The following BMS1 variants were observed in gnomAD, a reference collection of about 807,000 sequenced individuals.
The protein encoded by BMS1 is ribosome biogenesis protein BMS1 homolog.
In BMS1, 53 loss-of-function variants were observed where a neutral mutation model predicts 138.7. That is an observed-to-expected ratio of 0.38 (90% CI 0.31 to 0.48). BMS1 has a LOEUF of 0.48. Among genes scored for constraint, BMS1 ranks in the 20% least tolerant of loss-of-function variants. The pLI is 0.97. For synonymous variants in BMS1, 504 were observed against 539.9 expected, an observed-to-expected ratio of 0.93 and a Z score of 0.92; for missense variants, 1,360 against 1,565.5, an observed-to-expected ratio of 0.87 and a Z score of 2.22.
chr10:42,793,005 G>A lies in BMS1; in HGVS notation c.950G>A (p.Cys317Tyr). 6.2e-7 allele frequency: 1 copy of A among 1,613,904 alleles called. No homozygotes were observed. Among genetic ancestry groups the A allele is most frequent in the Non-Finnish European group, 8.5e-7 (1 of 1,179,968 alleles). ...VSDISFLPDP[C>Y]ALPEQQKKRC... Reference sequence around the variant, plus strand: ...GACATCAGTTTCCTCCCAGACCCTTGCGCTCTTCCTGAACAACAAAAGAAG... The same window carrying A: ...GACATCAGTTTCCTCCCAGACCCTTACGCTCTTCCTGAACAACAAAAGAAG... The change falls in exon 8 of 23, where the codon TGC (cysteine) becomes TAC (tyrosine). Residue 317 changes from cysteine (C) to tyrosine (Y), a missense_variant. Transcript: ENST00000374518.
At position 42,820,365 on chromosome 10, in the gene BMS1, C is replaced by T. The variant is rs752067870; in HGVS notation, c.2710C>T (p.His904Tyr). 9.9e-6 allele frequency: 16 copies of T among 1,613,772 alleles called. 1 individual carries two copies. The South Asian group carries it at 1.6e-4, about 17-fold the overall frequency. ...PCEFVQNFDP[H>Y]YPIILGGLGN... Reference sequence around the variant, plus strand: ...TGAATTTGTGCAGAACTTTGACCCCCATTACCCCATTATCCTGGGTGGCTT... The same window carrying T: ...TGAATTTGTGCAGAACTTTGACCCCTATTACCCCATTATCCTGGGTGGCTT... The change falls in exon 16 of 23, where the codon CAT (histidine) becomes TAT (tyrosine). Residue 904 changes from histidine to tyrosine, a missense_variant. Physicochemically the swap from His to Tyr is moderately conservative, Grantham distance 83. Around this residue, in one of 3 missense-constraint regions of BMS1, gnomAD observed 425 missense variants for 568.3 expected, o/e 0.75. Transcript: ENST00000374518.
chr10:42,812,030 A>G (rs1216241330), intron 13 of BMS1, among the ~76,000 whole-genome samples: 1 of 152,144 alleles, frequency 6.6e-6, no homozygotes, highest in Non-Finnish European at 1.5e-5. Context: ...TTATTGCCCC[A>G]AATGTACTTC....
At chr10:42,816,480 G>C in intron 13 of BMS1, 119 bp from the exon 14 acceptor site, 3 of 707,750 alleles carry the variant, frequency 4.2e-6, no homozygotes, top group Non-Finnish European at 6.8e-6. Context: ...TGTGTGTAGT[G>C]ACAGGAACAG....
intron 13 of BMS1, among the ~76,000 whole-genome samples, chr10:42,803,118 C>A (rs1358459027): frequency 1.3e-5 from 2 of 152,174 alleles, no homozygotes; most frequent in African/African-American, 2.4e-5. Flanking sequence ...ACCTCGCAGA[C>A]TGAAGCCTCC....
Position 42,832,153 on chromosome 10 carries a change from A to G in BMS1, c.*1057A>G, listed in dbSNP as rs1842812582. 1 of 152,196 alleles carries G rather than the reference A, an allele frequency of 6.6e-6. No individual in the cohort carries two copies. Among genetic ancestry groups the G allele is most frequent in the African/African-American group, 2.4e-5 (1 of 41,446 alleles). 9.4% of individuals were successfully genotyped at this position (152,196 alleles called of 1,614,324 possible). On this transcript the variant is annotated 3_prime_UTR_variant, in exon 23 of 23. Coordinates refer to ENST00000374518, the MANE Select transcript of BMS1 (RefSeq NM_014753.4). ...AGAAATATGGAACGCAGCTGGGCACAGTGACTCACGCCTGTAATCCCAGCA... is the reference window on the plus strand; with the variant it reads ...AGAAATATGGAACGCAGCTGGGCACGGTGACTCACGCCTGTAATCCCAGCA...
At chr10:42,811,050 T>TTA (rs1491109030) in intron 13 of BMS1, among the ~76,000 whole-genome samples, 79 of 43,390 alleles carry the variant, frequency 1.8e-3, no homozygotes, top group African/African-American at 0.011. Context: ...ATTATTATTA[T>TTA]TTTTTTTTTG....
chr10:42,785,736 G>A (rs1483348182), intron 3 of BMS1, 64 bp downstream of exon 3: 51 of 1,527,452 alleles, frequency 3.3e-5, no homozygotes, highest in South Asian at 3.0e-4. Flanking sequence ...ACATGCATGC[G>A]TTTGTTGTTT....
chr10:42,817,628 G>T, intron 15 of BMS1, 134 bp downstream of exon 15: 1 of 792,602 alleles, frequency 1.3e-6, no homozygotes, highest in Non-Finnish European at 1.9e-6. Context: ...TCGGACTCCT[G>T]GGTAGAGATG....
chr10:42,823,046 G>A, intron 19 of BMS1, 72 bp from the exon 20 acceptor site: 2 of 1,327,886 alleles, frequency 1.5e-6, no homozygotes, highest in Non-Finnish European at 2.0e-6. Flanking sequence ...AAGGATGTAT[G>A]TTTGAAGTAA....
rs1161546967 is a variant in BMS1 at position 42,815,520 on chromosome 10, C to G, written c.2330-1079C>G. 2.0e-5 allele frequency among the ~76,000 whole-genome samples: 3 copies of G among 152,192 alleles called. No individual in the cohort carries two copies. In the East Asian group the frequency reaches 5.8e-4, roughly 29 times the overall value. ...TATGTGAAAATGTTTTAATAGCCTT[C>G]TAAACATTGCTCTCCCAAATGAGTT... On this transcript the variant is annotated intron_variant, in intron 13 of 22. Coordinates refer to ENST00000374518, the MANE Select transcript of BMS1 (RefSeq NM_014753.4).
chr10:42,794,486 A>G (rs1841611861), intron 9 of BMS1, among the ~76,000 whole-genome samples: 1 of 151,580 alleles, frequency 6.6e-6, no homozygotes, highest in Non-Finnish European at 1.5e-5. Context: ...GATGTTTGCA[A>G]AACATTGGTT....
Position 42,797,449 on chromosome 10 carries a change from C to G in BMS1, c.2015C>G (p.Ser672Cys). Residue 672 changes from serine to cysteine, a missense_variant, in exon 11 of 23, where the codon TCC becomes TGC. Coordinates refer to ENST00000374518, the MANE Select transcript of BMS1 (RefSeq NM_014753.4). ...GCCCTCAAGTGGAAGGAAGACCTTTCCAGAAAGGCAGCTGAGGCCTTTCTG... is the reference window on the plus strand; with the variant it reads ...GCCCTCAAGTGGAAGGAAGACCTTTGCAGAAAGGCAGCTGAGGCCTTTCTG... Reference protein sequence around the residue: ...SGALKWKEDLSRKAAEAFLRQ... With the variant: ...SGALKWKEDLCRKAAEAFLRQ... 2 of 1,614,188 alleles carry G rather than the reference C, an allele frequency of 1.2e-6. No homozygotes were observed. The highest frequency in any genetic ancestry group is 8.5e-7 in the Non-Finnish European group (1 of 1,180,034).
intron 13 of BMS1, among the ~76,000 whole-genome samples, chr10:42,808,135 A>ATTGGG (rs1042091383): frequency 3.3e-5 from 5 of 151,992 alleles, no homozygotes; most frequent in Admixed American, 3.3e-4. Flanking sequence ...ACTTTTAAAA[A>ATTGGG]TTGGGTTGGG....
intron 21 of BMS1, among the ~76,000 whole-genome samples, chr10:42,825,845 C>T (rs1428162016): frequency 1.3e-5 from 2 of 152,112 alleles, no homozygotes; most frequent in African/African-American, 4.8e-5. Context: ...ATCTTGTATT[C>T]AATCTTAGTG....
chr10:42,784,701 C>T (rs945760974), intron 2 of BMS1, 131 bp downstream of exon 2: 4 of 1,083,540 alleles, frequency 3.7e-6, no homozygotes, highest in Admixed American at 3.0e-5. Flanking sequence ...TGGTGTGTGG[C>T]TTTCACTAAA....
At chr10:42,787,908 G>A (rs1841386610) in intron 4 of BMS1, among the ~76,000 whole-genome samples, 1 of 152,164 alleles carries the variant, frequency 6.6e-6, no homozygotes, top group Non-Finnish European at 1.5e-5. Context: ...TATTCTGATA[G>A]TCTATTAACT....
intron 11 of BMS1, 31 bp from the exon 12 acceptor site, chr10:42,798,437 T>A (rs1841762392): frequency 6.2e-7 from 1 of 1,613,658 alleles, no homozygotes; most frequent in South Asian, 1.1e-5. Context: ...TAATTTTTGT[T>A]CTCACTTTTC....
intron 13 of BMS1, among the ~76,000 whole-genome samples, chr10:42,804,752 G>T (rs566332727): frequency 4.2e-4 from 64 of 150,996 alleles, no homozygotes; most frequent in African/African-American, 1.5e-3. Flanking sequence ...TTGGGATGGA[G>T]TCTTGCTCTG....
chr10:42,830,440 G>C lies in BMS1; in HGVS notation c.3618+18G>C, dbSNP rs1263574418. The C allele has an allele frequency of 1.9e-6, 3 of 1,582,860 alleles. No individual in the cohort carries two copies. The African/African-American group carries it at 4.1e-5, about 22-fold the overall frequency. Reference sequence around the variant, plus strand: ...AAAGAAAGGTACTGTTGCCCATGCTGTACTGCACGCTGCGTTTAGATAGGA... The same window carrying C: ...AAAGAAAGGTACTGTTGCCCATGCTCTACTGCACGCTGCGTTTAGATAGGA... On this transcript the variant is annotated intron_variant, in intron 22 of 22. Transcript: ENST00000374518.
Sources: allele counts gnomAD v4.1 joint callset (sites outside exome capture counted in the v4.1 genomes callset), GRCh38; gene constraint gnomAD v4.1.1; regional missense constraint gnomAD v4.1.1; transcripts MANE v1.5; gene names NCBI Gene and HGNC (gene_info 2026-07-23, HGNC 2026-07-21).